The following RGS3 variants were observed in gnomAD, a reference collection of about 807,000 sequenced individuals.
The protein encoded by RGS3 is regulator of G protein signaling 3, also known as regulator of G-protein signalling 3.
RGS3 carries 80 observed loss-of-function variants against 132.6 expected under a neutral mutation model. The observed-to-expected ratio is 0.60, with a 90% CI of 0.50 to 0.73. The LOEUF is 0.73. RGS3 is among the 30% of genes least tolerant of loss of function. The pLI, the probability that RGS3 is intolerant of heterozygous loss-of-function variation, is 0.00. For missense variants in RGS3, 1,382 were observed against 1,530.8 expected (o/e 0.90, Z 1.62); for synonymous variants, 598 against 620.6 (o/e 0.96, Z 0.54).
intron 3 of RGS3, among the ~76,000 whole-genome samples, chr9:113,472,872 C>A (rs1001570992): frequency 2.6e-5 from 4 of 152,030 alleles, no homozygotes; most frequent in African/African-American, 9.7e-5. Flanking sequence ...AACTCTGTCT[C>A]TACAAAAAAT....
chr9:113,541,673 C>T, intron 19 of RGS3: 1 of 1,124,598 alleles, frequency 8.9e-7, no homozygotes, highest in South Asian at 3.2e-5. Context: ...GACTCAGAGG[C>T]TTCTTCCTTC....
At chr9:113,558,240 C>T (rs545767858) in intron 19 of RGS3, among the ~76,000 whole-genome samples, 7 of 152,302 alleles carry the variant, frequency 4.6e-5, no homozygotes, top group Admixed American at 2.6e-4. Context: ...CAGTGGCTCA[C>T]GCCTGTAATC....
At chr9:113,509,409 C>T (rs1365904315) in intron 14 of RGS3, among the ~76,000 whole-genome samples, 1 of 152,044 alleles carries the variant, frequency 6.6e-6, no homozygotes, top group Non-Finnish European at 1.5e-5. Context: ...TGAGTAGTTG[C>T]CTGTATACTG....
At chr9:113,517,495 A>T in intron 15 of RGS3, 46 bp from the exon 14 acceptor site, 1 of 1,534,214 alleles carries the variant, frequency 6.5e-7, no homozygotes, top group Non-Finnish European at 9.0e-7. Context: ...CCGGGTCCTC[A>T]CCCAGCCTCT....
intron 1 of RGS3, among the ~76,000 whole-genome samples, chr9:113,447,329 G>GTGTGTATATA (rs1554751009): frequency 1.1e-4 from 3 of 27,536 alleles, no homozygotes; most frequent in African/African-American, 2.9e-4. Flanking sequence ...GTATGTATAT[G>GTGTGTATATA]TATATATATA....
chr9:113,519,554 C>A (rs1200980074), intron 16 of RGS3, among the ~76,000 whole-genome samples: 3 of 149,200 alleles, frequency 2.0e-5, no homozygotes, highest in African/African-American at 2.5e-5. Flanking sequence ...TGGATAAATT[C>A]ATGAAATCTC....
At chr9:113,501,786 G>A (rs745385581) in intron 10 of RGS3, among the ~76,000 whole-genome samples, 4 of 152,232 alleles carry the variant, frequency 2.6e-5, no homozygotes, top group Non-Finnish European at 5.9e-5. Flanking sequence ...AGAGACAGGA[G>A]CTGGACCCAA....
chr9:113,512,078 G>A (rs4979250), intron 14 of RGS3, among the ~76,000 whole-genome samples: 9,101 of 152,156 alleles, frequency 0.06, 646 homozygotes, highest in East Asian at 0.32. Context: ...TGGGGCAAGC[G>A]AGGCAGCAAT....
At chr9:113,569,393 G>A (rs1455792622) in intron 19 of RGS3, among the ~76,000 whole-genome samples, 1 of 152,120 alleles carries the variant, frequency 6.6e-6, no homozygotes, top group Non-Finnish European at 1.5e-5. Context: ...GCAGCCAGGA[G>A]AAGGACTGTG....
At chr9:113,552,965 T>G (rs944712639) in intron 19 of RGS3, among the ~76,000 whole-genome samples, 2 of 152,156 alleles carry the variant, frequency 1.3e-5, no homozygotes, top group African/African-American at 4.8e-5. Flanking sequence ...ACCAAAAAAT[T>G]CTAAACATTA....
At chr9:113,585,292 T>C (rs941818467) in intron 20 of RGS3, among the ~76,000 whole-genome samples, 1 of 152,254 alleles carries the variant, frequency 6.6e-6, no homozygotes, top group Non-Finnish European at 1.5e-5. Context: ...ACTCAACTCC[T>C]CTGAGCCATA....
At position 113,593,923 on chromosome 9, in the gene RGS3, GTAAC is replaced by G. The variant is rs772993018; in HGVS notation, c.3081-506_3081-503del. ...CCACCACTGTCTCCCTGCTGCCATG[GTAAC>G]GAGGAGGCCAGTCACAAATAGCTGG... On this transcript the variant is annotated intron_variant, in intron 21 of 24. Transcript: ENST00000350696. 6 of 1,607,222 alleles carry G rather than the reference GTAAC, an allele frequency of 3.7e-6. No homozygotes were observed. The Admixed American group carries it at 1.0e-4, about 27-fold the overall frequency.
At chr9:113,528,103 A>G (rs1473268548) in intron 17 of RGS3, among the ~76,000 whole-genome samples, 2 of 152,182 alleles carry the variant, frequency 1.3e-5, no homozygotes, top group Admixed American at 1.3e-4. Context: ...GTGAGGGTCA[A>G]GCATATCCAT....
Position 113,591,871 on chromosome 9 carries a change from G to GA in RGS3, c.3080+474_3080+475insA. On this transcript the variant is annotated intron_variant, in intron 21 of 24. Transcript: ENST00000350696. The surrounding 1 kb of genome is among the most constrained non-coding windows in gnomAD (Gnocchi z 4.4). ...GGCCCAGCTGCCGAATCCCGCACTCGCCAAGCCTTTCTGGCCACACTCAGG... is the reference window on the plus strand; with the variant it reads ...GGCCCAGCTGCCGAATCCCGCACTCGACCAAGCCTTTCTGGCCACACTCAGG... The GA allele has an allele frequency of 5.9e-6, 1 of 170,890 alleles. No homozygotes were observed. The highest frequency in any genetic ancestry group is 5.5e-5 in the Admixed American group (1 of 18,074). The allele number at this position is 170,890 out of a possible 1,614,324, so 10.6% of individuals were successfully genotyped here.
intron 19 of RGS3, chr9:113,541,258 G>A: frequency 1.3e-6 from 2 of 1,552,418 alleles, no homozygotes; most frequent in Admixed American, 1.8e-5. Context: ...GGCAGGTCCT[G>A]CAGTCAGGCA....
rs897815596 is a variant in RGS3, at chr9:113,463,134, G to C, written c.415+933G>C. Reference sequence around the variant, plus strand: ...TCCGATGGCATCAGGCTGTGGGACGGGGGGCCATCAGGTTGGTTGGAGCAA... The same window carrying C: ...TCCGATGGCATCAGGCTGTGGGACGCGGGGCCATCAGGTTGGTTGGAGCAA... On this transcript the variant is annotated intron_variant, in intron 3 of 24. Transcript: ENST00000350696. This position sits in a 1 kb window ranked among gnomAD's most constrained non-coding sequence, Gnocchi z 4.6. Among the ~76,000 whole-genome samples, 1 of 152,198 alleles carries C rather than the reference G, an allele frequency of 6.6e-6. No individual in the cohort carries two copies. Among genetic ancestry groups the C allele is most frequent in the African/African-American group, 2.4e-5 (1 of 41,428 alleles).
chr9:113,572,805 C>G (rs1834345989), intron 19 of RGS3, among the ~76,000 whole-genome samples: 1 of 152,232 alleles, frequency 6.6e-6, no homozygotes, highest in Non-Finnish European at 1.5e-5. Context: ...TGCAGTGAGC[C>G]AGACTGACCC....
intron 19 of RGS3, chr9:113,583,203 C>G: frequency 1.6e-6 from 1 of 637,578 alleles, no homozygotes; most frequent in South Asian, 2.0e-5. Flanking sequence ...GTGGTTATCT[C>G]TCCCTCTTCT....
chr9:113,457,683 T>G (rs920215262), upstream of RGS3, among the ~76,000 whole-genome samples: 2 of 152,250 alleles, frequency 1.3e-5, no homozygotes, highest in Admixed American at 1.3e-4. Context: ...TATTTACTAG[T>G]TTAGCAACCT....
Sources: allele counts gnomAD v4.1 joint callset (sites outside exome capture counted in the v4.1 genomes callset), GRCh38; gene constraint gnomAD v4.1.1; non-coding constraint Gnocchi (gnomAD v3.1); transcripts MANE v1.5; gene names NCBI Gene and HGNC (gene_info 2026-07-23, HGNC 2026-07-21).